The following FANK1 variants were observed in gnomAD, a reference collection of about 807,000 sequenced individuals.
The protein encoded by FANK1 is fibronectin type III and ankyrin repeat domains 1, also known as fibronectin type 3 and ankyrin repeat domains protein 1.
Under a neutral mutation model 45.3 loss-of-function variants are expected in FANK1, and 44 were observed. The ratio of observed to expected loss-of-function variants is 0.97; its 90% CI spans 0.76 to 1.25. The LOEUF (loss-of-function observed/expected upper bound fraction) is 1.25, where lower values mean the gene tolerates loss of function less well. Among genes scored for constraint, FANK1 ranks in the 50% most tolerant of loss-of-function variants. The pLI, the probability that FANK1 is intolerant of heterozygous loss-of-function variation, is 0.00. For synonymous variants in FANK1, 149 were observed against 152.5 expected (o/e 0.98, Z 0.17); for missense variants, 391 against 424.4 (o/e 0.92, Z 0.69).
In FANK1 at chr10:125,988,679, A is replaced by T. The variant is rs778419414; in HGVS notation, c.316+4A>T. 5 of 1,614,196 alleles carry T rather than the reference A, an allele frequency of 3.1e-6. No individual in the cohort carries two copies. Among genetic ancestry groups the T allele is most frequent in the Non-Finnish European group, 4.2e-6 (5 of 1,180,026 alleles). ...CTCGTCTCAGTGTCTACAACCAGTG[A>T]GTATTCAGACCGTCCACACTCACCT... On this transcript the variant is annotated splice_donor_region_variant and intron_variant, in intron 3 of 10. Transcript: ENST00000368693.
At chr10:125,994,162 GGAGGATGGGGTAAGAGGGAGGGTGGGT>G (rs886857457) in intron 3 of FANK1, among the ~76,000 whole-genome samples, 3 of 151,858 alleles carry the variant, frequency 2.0e-5, no homozygotes, top group Admixed American at 2.0e-4. Flanking sequence ...GTGCAGTGGG[GGAGGATGGGGTAAGAGGGAGGGTGGGT>G]GAGCCCCAGG....
intron 1 of FANK1, among the ~76,000 whole-genome samples, chr10:125,964,273 A>C (rs1476002737): frequency 7.0e-6 from 1 of 142,758 alleles, no homozygotes; most frequent in East Asian, 2.1e-4. Flanking sequence ...GCTCGCTGCA[A>C]CCTCCACCTC....
chr10:125,960,580 G>T (rs11244727), intron 1 of FANK1, among the ~76,000 whole-genome samples: 1 of 152,152 alleles, frequency 6.6e-6, no homozygotes, highest in Non-Finnish European at 1.5e-5. Flanking sequence ...AGGCTGGAGT[G>T]CAGTGGTGCG....
chr10:125,990,914 T>G (rs1463219529), intron 3 of FANK1, among the ~76,000 whole-genome samples: 1 of 152,098 alleles, frequency 6.6e-6, no homozygotes, highest in Non-Finnish European at 1.5e-5. Context: ...GCAGGGGAAT[T>G]TCCCTTTATA....
intron 6 of FANK1, among the ~76,000 whole-genome samples, chr10:126,000,847 C>T (rs1040087176): frequency 6.6e-6 from 1 of 152,120 alleles, no homozygotes; most frequent in African/African-American, 2.4e-5. Flanking sequence ...AAAAAGCCTC[C>T]ACACACAGTA....
chr10:125,939,961 C>T (rs1370304411), intron 1 of FANK1, among the ~76,000 whole-genome samples: 5 of 150,612 alleles, frequency 3.3e-5, no homozygotes, highest in Non-Finnish European at 7.4e-5. Flanking sequence ...GACAGAGTCT[C>T]GCTCTGTTGC....
chr10:125,901,974 C>T (rs1388157886), intron 1 of FANK1, among the ~76,000 whole-genome samples: 2 of 152,134 alleles, frequency 1.3e-5, no homozygotes, highest in African/African-American at 4.8e-5. Context: ...ACAAAATTAG[C>T]CAGGTGTGGT....
Position 125,904,863 on chromosome 10 carries a change from C to T in FANK1, c.13+8208C>T, listed in dbSNP as rs373687922. On this transcript the variant is annotated intron_variant, in intron 1 of 10. Coordinates refer to ENST00000368693, the MANE Select transcript of FANK1 (RefSeq NM_145235.5). ...GTTTCTGGCCGGGCGCGGTGGCTCA[C>T]GCCTGTAATCCCAGCCCTTTGGGAG... Among the ~76,000 whole-genome samples, 48 of 152,068 alleles carry T rather than the reference C, an allele frequency of 3.2e-4. No homozygotes were observed. In the South Asian group the frequency reaches 8.7e-3, roughly 28 times the overall value.
intron 1 of FANK1, among the ~76,000 whole-genome samples, chr10:125,958,014 G>T (rs1226085808): frequency 6.6e-6 from 1 of 151,988 alleles, no homozygotes. Flanking sequence ...ATCGCATCAG[G>T]GTAATTAGCA....
At chr10:125,962,129 A>C (rs1949964232) in intron 1 of FANK1, among the ~76,000 whole-genome samples, 1 of 152,194 alleles carries the variant, frequency 6.6e-6, no homozygotes, top group Non-Finnish European at 1.5e-5. Flanking sequence ...GAGCTCGAAC[A>C]TCTCAACAGC....
chr10:125,904,279 C>T (rs1449768642), intron 1 of FANK1, among the ~76,000 whole-genome samples: 2 of 152,106 alleles, frequency 1.3e-5, no homozygotes, highest in African/African-American at 4.8e-5. Context: ...AAAAACACGA[C>T]TTACCAAACC....
intron 1 of FANK1, among the ~76,000 whole-genome samples, chr10:125,903,031 C>G (rs75249274): frequency 9.3e-4 from 113 of 121,028 alleles, no homozygotes; most frequent in East Asian, 5.7e-3. Context: ...TCATTGTGAT[C>G]CTGACCTCTG....
In FANK1 at chr10:125,919,195, A is replaced by ATTTTTTTTTTTTTTTTTTTTTTT. The variant is rs142716284; in HGVS notation, c.13+22546_13+22568dup. The stretch of plus-strand genomic sequence containing the variant: ...AGTAAAATACTTCCAGGAGGTAAGA[A>ATTTTTTTTTTTTTTTTTTTTTTT]TTTTTTTTTTTTTTTTTTTTTTTTT... On this transcript the variant is annotated intron_variant, in intron 1 of 10. Coordinates refer to ENST00000368693, the MANE Select transcript of FANK1 (RefSeq NM_145235.5). Among the ~76,000 whole-genome samples the ATTTTTTTTTTTTTTTTTTTTTTT allele has an allele frequency of 1.6e-3, 85 of 51,880 alleles. 13 individuals are homozygous for ATTTTTTTTTTTTTTTTTTTTTTT. Among genetic ancestry groups the ATTTTTTTTTTTTTTTTTTTTTTT allele is most frequent in the East Asian group, 2.0e-3 (3 of 1,494 alleles). The allele number at this position is 51,880 out of a possible 152,430, so 34.0% of individuals were successfully genotyped here. A position where few individuals can be genotyped will look rare whatever the true frequency, so the allele number is the denominator to read the frequency against.
chr10:125,939,918 C>T (rs1002946154), intron 1 of FANK1, among the ~76,000 whole-genome samples: 34 of 150,620 alleles, frequency 2.3e-4, no homozygotes, highest in Admixed American at 1.7e-3. Context: ...TTTCTACTGT[C>T]ATTATTATTA....
At chr10:125,919,511 T>A (rs1946785731) in intron 1 of FANK1, among the ~76,000 whole-genome samples, 1 of 152,104 alleles carries the variant, frequency 6.6e-6, no homozygotes, top group Non-Finnish European at 1.5e-5. Flanking sequence ...TGGCTGCTGC[T>A]CCTTTTTTTG....
intron 3 of FANK1, among the ~76,000 whole-genome samples, chr10:125,993,552 C>T (rs1003628472): frequency 3.3e-5 from 5 of 152,194 alleles, no homozygotes; most frequent in African/African-American, 1.2e-4. Context: ...GATGCCAGTG[C>T]TCCATCCCCT....
intron 1 of FANK1, among the ~76,000 whole-genome samples, chr10:125,958,513 C>T (rs1408576750): frequency 1.3e-5 from 2 of 152,102 alleles, no homozygotes; most frequent in African/African-American, 4.8e-5. Context: ...GCTGGGATTA[C>T]AGGCATGAGC....
At chr10:125,916,657 A>G (rs562721759) in intron 1 of FANK1, among the ~76,000 whole-genome samples, 17 of 152,356 alleles carry the variant, frequency 1.1e-4, no homozygotes, top group Admixed American at 3.3e-4. Flanking sequence ...GAGAAAGGCA[A>G]TTCTGACACA....
chr10:126,007,000 A>G (rs1233979078), intron 7 of FANK1: 7 of 152,102 alleles, frequency 4.6e-5, no homozygotes, highest in Admixed American at 4.6e-4. Context: ...AAGCACTGGA[A>G]CTACTTTGCA....
Sources: allele counts gnomAD v4.1 joint callset (sites outside exome capture counted in the v4.1 genomes callset), GRCh38; gene constraint gnomAD v4.1.1; transcripts MANE v1.5; gene names NCBI Gene and HGNC (gene_info 2026-07-23, HGNC 2026-07-21).